Variants in KCTD16 observed in about 807,000 individuals in gnomAD.
KCTD16 encodes the protein BTB/POZ domain-containing protein KCTD16.
In KCTD16, 13 loss-of-function variants were observed where a neutral mutation model predicts 33.2. The observed-to-expected ratio is 0.39, with a 90% CI of 0.25 to 0.62. The LOEUF is 0.62. Ranked by LOEUF, KCTD16 falls within the 20% of genes least tolerant of loss-of-function variation. The probability of loss-of-function intolerance (pLI) is 0.50; values close to 1 mark genes in which losing one functional copy is unlikely to be tolerated. For missense variants in KCTD16, 441 were observed against 525.1 expected (o/e 0.84, Z 1.57); for synonymous variants, 197 against 195.3 (o/e 1.01, Z -0.07).
rs542717053 is a variant in KCTD16, at chr5:144,485,632, T to G, written c.*11518T>G. On this transcript the variant is annotated 3_prime_UTR_variant, in exon 4 of 4. Transcript: ENST00000512467. ...ATTTTTATGTGTTTCCATAAATGACTCCATTTCATATGCATTGTAATTTAG... is the reference window on the plus strand; with the variant it reads ...ATTTTTATGTGTTTCCATAAATGACGCCATTTCATATGCATTGTAATTTAG... 4 of 152,078 alleles carry G rather than the reference T, an allele frequency of 2.6e-5. No individual in the cohort carries two copies. The highest frequency in any genetic ancestry group is 3.9e-4 in the East Asian group (2 of 5,150). 9.4% of individuals were successfully genotyped at this position (152,078 alleles called of 1,614,324 possible).
At chr5:144,320,173 C>T (rs1446838177) in intron 3 of KCTD16, among the ~76,000 whole-genome samples, 1 of 152,074 alleles carries the variant, frequency 6.6e-6, no homozygotes, top group Non-Finnish European at 1.5e-5. Context: ...CTCAGAATAC[C>T]AGTAGCTTCT....
Position 144,271,103 on chromosome 5 carries a change from G to T in KCTD16, c.832+63557G>T, listed in dbSNP as rs1020109412. ...TCTACCAGATATTTAAAGAACAAACGCCAGTTCTTCTCAAACTTTTCCAAA... is the reference window on the plus strand; with the variant it reads ...TCTACCAGATATTTAAAGAACAAACTCCAGTTCTTCTCAAACTTTTCCAAA... On this transcript the variant is annotated intron_variant, in intron 3 of 3. Transcript: ENST00000512467. Among the ~76,000 whole-genome samples the T allele has an allele frequency of 2.0e-5, 3 of 151,982 alleles. No individual in the cohort carries two copies. In the Middle Eastern group the frequency reaches 0.01, roughly 517 times the overall value.
At chr5:144,223,132 A>G (rs1028691022) in intron 3 of KCTD16, among the ~76,000 whole-genome samples, 6 of 152,006 alleles carry the variant, frequency 3.9e-5, no homozygotes, top group Admixed American at 6.6e-5. Flanking sequence ...ATCACACACC[A>G]GGGTCTGTTG....
rs376426438 is a variant in KCTD16, at chr5:144,474,137, G to GA, written c.*33dup. 34,648 of 1,345,730 alleles carry GA rather than the reference G, an allele frequency of 0.026. 205 individuals are homozygous for GA. The highest frequency in any genetic ancestry group is 0.068 in the Middle Eastern group (352 of 5,160). The allele number at this position is 1,345,730 out of a possible 1,614,324, so 83.4% of individuals were successfully genotyped here. On this transcript the variant is annotated 3_prime_UTR_variant, in exon 4 of 4. Coordinates refer to ENST00000512467, the MANE Select transcript of KCTD16 (RefSeq NM_020768.4). ...TAAGGGAGGGCTGGGGGCGGGAAAAGAAAAAAAAAAGTCATTTTGAAATTA... is the reference window on the plus strand; with the variant it reads ...TAAGGGAGGGCTGGGGGCGGGAAAAGAAAAAAAAAAAGTCATTTTGAAATTA...
At chr5:144,313,700 A>T (rs1323934033) in intron 3 of KCTD16, among the ~76,000 whole-genome samples, 1 of 152,164 alleles carries the variant, frequency 6.6e-6, no homozygotes, top group African/African-American at 2.4e-5. Context: ...TTATGCCTTC[A>T]TTACAGTGAT....
intron 3 of KCTD16, among the ~76,000 whole-genome samples, chr5:144,386,645 C>T (rs1474993493): frequency 6.6e-6 from 1 of 152,118 alleles, no homozygotes; most frequent in Non-Finnish European, 1.5e-5. Flanking sequence ...TTTTTATATT[C>T]CCTGAATTTC....
chr5:144,264,758 T>C (rs1033358395), intron 3 of KCTD16, among the ~76,000 whole-genome samples: 1 of 152,126 alleles, frequency 6.6e-6, no homozygotes, highest in Admixed American at 6.6e-5. Context: ...GGTGATACAG[T>C]GAGACCCTGT....
chr5:144,410,948 C>T (rs2126953702), intron 3 of KCTD16, among the ~76,000 whole-genome samples: 1 of 152,096 alleles, frequency 6.6e-6, no homozygotes, highest in Non-Finnish European at 1.5e-5. Flanking sequence ...ACCCCAAGTA[C>T]CTTAGAATGT....
intron 3 of KCTD16, among the ~76,000 whole-genome samples, chr5:144,221,423 C>G (rs1753745546): frequency 6.6e-6 from 1 of 152,116 alleles, no homozygotes; most frequent in African/African-American, 2.4e-5. Context: ...CCCTTGCCCC[C>G]CACCCCCTGA....
chr5:144,333,087 T>A (rs1752398799), intron 3 of KCTD16, among the ~76,000 whole-genome samples: 1 of 152,136 alleles, frequency 6.6e-6, no homozygotes, highest in South Asian at 2.1e-4. Flanking sequence ...GAGATGAGAT[T>A]TGAGTGGGGA....
At chr5:144,330,412 A>AG (rs1491104491) in intron 3 of KCTD16, among the ~76,000 whole-genome samples, 2 of 53,056 alleles carry the variant, frequency 3.8e-5, no homozygotes, top group Non-Finnish European at 9.9e-5. Flanking sequence ...AAACTCCATC[A>AG]AAAAAAAAAA....
rs147890155 is a variant in KCTD16, at chr5:144,474,056, G to A, written c.1229G>A (p.Arg410Gln). The A allele has an allele frequency of 2.5e-6, 4 of 1,613,706 alleles. No homozygotes were observed. The highest frequency in any genetic ancestry group is 1.7e-5 in the Admixed American group (1 of 59,922). Reference protein sequence around the residue: ...QDFLKIKIPDRFPERKHPWQS... With the variant: ...QDFLKIKIPDQFPERKHPWQS... ...TTCCTAAAAATCAAAATTCCAGATC[G>A]GTTTCCTGAGAGAAAACATCCTTGG... The change falls in exon 4 of 4, where the codon CGG becomes CAG. Residue 410 changes from arginine (R) to glutamine (Q), a missense_variant. By Grantham distance (43) the Arg-to-Gln change is conservative. Coordinates refer to ENST00000512467, the MANE Select transcript of KCTD16 (RefSeq NM_020768.4).
At chr5:144,409,477 A>G (rs1418612598) in intron 3 of KCTD16, among the ~76,000 whole-genome samples, 1 of 152,072 alleles carries the variant, frequency 6.6e-6, no homozygotes, top group Non-Finnish European at 1.5e-5. Flanking sequence ...AAATAGGCAC[A>G]ATATTTGGCT....
intron 2 of KCTD16, among the ~76,000 whole-genome samples, chr5:144,192,307 A>T (rs1353965506): frequency 2.0e-5 from 3 of 152,172 alleles, no homozygotes; most frequent in Non-Finnish European, 4.4e-5. Context: ...CTTGACATGA[A>T]TTTTTGATTT....
intron 3 of KCTD16, among the ~76,000 whole-genome samples, chr5:144,334,906 C>T (rs762555578): frequency 3.9e-5 from 6 of 151,940 alleles, no homozygotes; most frequent in Non-Finnish European, 7.4e-5. Flanking sequence ...CTTCCCTAGT[C>T]ACTGGGACTA....
intron 3 of KCTD16, among the ~76,000 whole-genome samples, chr5:144,332,917 G>A (rs1752394660): frequency 6.6e-6 from 1 of 152,198 alleles, no homozygotes; most frequent in African/African-American, 2.4e-5. Flanking sequence ...GACATGTTTT[G>A]CATGGTAGCA....
intron 3 of KCTD16, among the ~76,000 whole-genome samples, chr5:144,348,771 T>C (rs915195103): frequency 2.6e-5 from 4 of 152,236 alleles, no homozygotes; most frequent in African/African-American, 9.6e-5. Flanking sequence ...TATTTTTTAA[T>C]AGACTCCTTG....
At chr5:144,339,580 C>T (rs1752576309) in intron 3 of KCTD16, among the ~76,000 whole-genome samples, 1 of 152,168 alleles carries the variant, frequency 6.6e-6, no homozygotes, top group African/African-American at 2.4e-5. Flanking sequence ...TAATGCCTGA[C>T]ATGTTACTAG....
chr5:144,326,580 C>T (rs146712664), intron 3 of KCTD16, among the ~76,000 whole-genome samples: 1 of 151,996 alleles, frequency 6.6e-6, no homozygotes, highest in African/African-American at 2.4e-5. Flanking sequence ...CTAATCATTT[C>T]TTCTCATTTC....
Sources: allele counts gnomAD v4.1 joint callset (sites outside exome capture counted in the v4.1 genomes callset), GRCh38; gene constraint gnomAD v4.1.1; transcripts MANE v1.5; gene names NCBI Gene and HGNC (gene_info 2026-07-23, HGNC 2026-07-21).